LTV1: variants seen among roughly 807,000 people sequenced by gnomAD.
The protein encoded by LTV1 is protein LTV1 homolog.
Under a neutral mutation model 59.9 loss-of-function variants are expected in LTV1, and 39 were observed. The ratio of observed to expected loss-of-function variants is 0.65; its 90% confidence interval spans 0.50 to 0.85. The LOEUF (loss-of-function observed/expected upper bound fraction) is 0.85, where lower values mean the gene tolerates loss of function less well. Ranked by LOEUF, LTV1 falls within the 40% of genes least tolerant of loss-of-function variation. The probability of loss-of-function intolerance (pLI) is 0.00; values close to 1 mark genes in which losing one functional copy is unlikely to be tolerated. For missense variants in LTV1, 493 were observed against 549.1 expected, an observed-to-expected ratio of 0.90 and a Z score of 1.02; for synonymous variants, 171 against 189.5, an observed-to-expected ratio of 0.90 and a Z score of 0.80.
rs535085405 is a variant in LTV1, at chr6:143,855,095, G to T, written c.398-2208G>T. ...TGTGGGAGTCTAAGTCTCTTTGTAGGTCTCTTAGAACTTGCTTTATGAATC... is the reference window on the plus strand; with the variant it reads ...TGTGGGAGTCTAAGTCTCTTTGTAGTTCTCTTAGAACTTGCTTTATGAATC... On this transcript the variant is annotated intron_variant, in intron 4 of 10. Transcript: ENST00000367576. The surrounding 1 kb of genome is among the most constrained non-coding windows in gnomAD (Gnocchi z 4.6). Among the ~76,000 whole-genome samples the T allele has an allele frequency of 6.6e-6, 1 of 152,226 alleles. No individual in the cohort carries two copies. The highest frequency in any genetic ancestry group is 2.4e-5 in the African/African-American group (1 of 41,556).
At position 143,863,773 on chromosome 6, in the gene LTV1, A is replaced by G. The variant is rs1777217039; in HGVS notation, c.*246A>G. 3.2e-6 allele frequency: 1 copy of G among 313,678 alleles called. No homozygotes were observed. Among genetic ancestry groups the G allele is most frequent in the African/African-American group, 2.1e-5 (1 of 46,572 alleles). The allele number at this position is 313,678 out of a possible 1,614,324, so 19.4% of individuals were successfully genotyped here. The stretch of plus-strand genomic sequence containing the variant: ...AAGTAAATGACTTCATGAATGTGAA[A>G]TGTTTGATAAATTAAAGGAAAATAT... On this transcript the variant is annotated 3_prime_UTR_variant, in exon 11 of 11. Coordinates refer to ENST00000367576, the MANE Select transcript of LTV1 (RefSeq NM_032860.5). This position sits in a 1 kb window ranked among gnomAD's most constrained non-coding sequence, Gnocchi z 4.5.
intron 6 of LTV1, among the ~76,000 whole-genome samples, chr6:143,859,595 C>A (rs1423683255): frequency 6.6e-6 from 1 of 152,206 alleles, no homozygotes; most frequent in Non-Finnish European, 1.5e-5. Flanking sequence ...TCACCTAATA[C>A]TATTTTCCCT....
rs1389207015 is a variant in LTV1 at position 143,862,092 on chromosome 6, C to T, written c.924-12C>T. 3 of 1,603,406 alleles carry T rather than the reference C, an allele frequency of 1.9e-6. No individual in the cohort carries two copies. Among genetic ancestry groups the T allele is most frequent in the Non-Finnish European group, 2.6e-6 (3 of 1,176,394 alleles). ...CCCTCTTGGTCTTCACTTTTAAAAA[C>T]TCGTCTAAAAGTTGTGTAAAATTGA... On this transcript the variant is annotated splice_polypyrimidine_tract_variant and intron_variant, in intron 7 of 10. Transcript: ENST00000367576. The surrounding 1 kb of genome is among the most constrained non-coding windows in gnomAD (Gnocchi z 4.2).
chr6:143,848,753 G>T (rs933139569), intron 3 of LTV1, among the ~76,000 whole-genome samples: 3 of 152,180 alleles, frequency 2.0e-5, no homozygotes, highest in African/African-American at 7.2e-5. Context: ...CACACAAAGG[G>T]AAGTTCTAGG....
In LTV1 at chr6:143,843,348, C is replaced by T; in HGVS notation, c.-130C>T. The T allele has an allele frequency of 8.7e-7, 1 of 1,155,846 alleles. No individual in the cohort carries two copies. The highest frequency in any genetic ancestry group is 1.3e-6 in the Non-Finnish European group (1 of 777,204). The allele number at this position is 1,155,846 out of a possible 1,614,324, so 71.6% of individuals were successfully genotyped here. ...TCCACGGCCGGCTGGGTGACGTTAT[C>T]GCCGGGTCCTGGGGCTGCACGTGTG... On this transcript the variant is annotated 5_prime_UTR_variant, in exon 1 of 11. Coordinates refer to ENST00000367576, the MANE Select transcript of LTV1 (RefSeq NM_032860.5).
At chr6:143,861,305 G>A (rs982572148) in intron 7 of LTV1, among the ~76,000 whole-genome samples, 9 of 151,862 alleles carry the variant, frequency 5.9e-5, no homozygotes, top group African/African-American at 1.9e-4. Context: ...GGGCGTGGTG[G>A]TGTACACCTG....
intron 6 of LTV1, chr6:143,858,270 T>G (rs1168962546): frequency 8.0e-6 from 3 of 375,952 alleles, no homozygotes; most frequent in Non-Finnish European, 1.5e-5. Context: ...CTTTTCCAAT[T>G]TACATCACAC....
In LTV1 at chr6:143,863,138, CAAAG is replaced by C; in HGVS notation, c.1174_1177del (p.Lys392AspfsTer12). ...ACAGGAATACCTCTCAATGTCTTAC[CAAAG>C]AAAGGACTCACAGCAAAGCAAACTG... On this transcript the variant is annotated frameshift_variant, in exon 10 of 11. Coordinates refer to ENST00000367576, the MANE Select transcript of LTV1 (RefSeq NM_032860.5). LOFTEE classifies it high-confidence loss of function. This position sits in a 1 kb window ranked among gnomAD's most constrained non-coding sequence, Gnocchi z 4.5. 1 of 1,613,818 alleles carries C rather than the reference CAAAG, an allele frequency of 6.2e-7. No individual in the cohort carries two copies. The highest frequency in any genetic ancestry group is 8.5e-7 in the Non-Finnish European group (1 of 1,179,916).
rs1198100613 is a variant in LTV1 at position 143,855,061 on chromosome 6, T to C, written c.398-2242T>C. Among the ~76,000 whole-genome samples, 4 of 152,248 alleles carry C rather than the reference T, an allele frequency of 2.6e-5. No individual in the cohort carries two copies. Among genetic ancestry groups the C allele is most frequent in the African/African-American group, 9.6e-5 (4 of 41,562 alleles). On this transcript the variant is annotated intron_variant, in intron 4 of 10. Coordinates refer to ENST00000367576, the MANE Select transcript of LTV1 (RefSeq NM_032860.5). This position sits in a 1 kb window ranked among gnomAD's most constrained non-coding sequence, Gnocchi z 4.6. ...GACAGTGGGGTGTTAAAGTCTCCCA[T>C]TATTATTGTGTGGGAGTCTAAGTCT...
intron 4 of LTV1, among the ~76,000 whole-genome samples, chr6:143,853,617 GCT>G (rs1777023331): frequency 6.6e-6 from 1 of 152,166 alleles, no homozygotes; most frequent in East Asian, 1.9e-4. Context: ...GTCATAAATA[GCT>G]CTTATTATTT....
Position 143,862,068 on chromosome 6 carries a change from C to A in LTV1, c.924-36C>A. On this transcript the variant is annotated intron_variant, in intron 7 of 10. Transcript: ENST00000367576. The surrounding 1 kb of genome is among the most constrained non-coding windows in gnomAD (Gnocchi z 4.2). The stretch of plus-strand genomic sequence containing the variant: ...AGTATAATAATAGGTCATTTTTCCC[C>A]CTCTTGGTCTTCACTTTTAAAAACT... 6.3e-7 allele frequency: 1 copy of A among 1,590,232 alleles called. No homozygotes were observed. Among genetic ancestry groups the A allele is most frequent in the South Asian group, 1.2e-5 (1 of 86,714 alleles).
At position 143,843,353 on chromosome 6, in the gene LTV1, G is replaced by C. The variant is rs1204483530; in HGVS notation, c.-125G>C. The C allele has an allele frequency of 9.2e-6, 11 of 1,194,184 alleles. No individual in the cohort carries two copies. The East Asian group carries it at 1.9e-4, about 20-fold the overall frequency. The allele number at this position is 1,194,184 out of a possible 1,614,324, so 74.0% of individuals were successfully genotyped here. ...GGCCGGCTGGGTGACGTTATCGCCG[G>C]GTCCTGGGGCTGCACGTGTGGTGAG... On this transcript the variant is annotated 5_prime_UTR_variant, in exon 1 of 11. Transcript: ENST00000367576.
At chr6:143,859,742 C>G (rs550365536) in intron 6 of LTV1, among the ~76,000 whole-genome samples, 188 of 152,298 alleles carry the variant, frequency 1.2e-3, no homozygotes, top group South Asian at 3.1e-3. Context: ...TAAACAAGAA[C>G]AAATATATAC....
At position 143,850,134 on chromosome 6, in the gene LTV1, A is replaced by G. The variant is rs775351968; in HGVS notation, c.313A>G (p.Thr105Ala). Reference protein sequence around the residue: ...EKEETLVIPSTGIKLPSSVFA... With the variant: ...EKEETLVIPSAGIKLPSSVFA... ...ATTGTGCAATTTCTTTTTCAAGAGC[A>G]CTGGAATTAAGTTGCCTTCATCAGT... Residue 105 changes from threonine (T) to alanine (A), a missense_variant, in exon 4 of 11, where the codon ACT (threonine) becomes GCT (alanine). Coordinates refer to ENST00000367576, the MANE Select transcript of LTV1 (RefSeq NM_032860.5). 5.0e-6 allele frequency: 8 copies of G among 1,612,790 alleles called. No homozygotes were observed. The highest frequency in any genetic ancestry group is 2.2e-5 in the South Asian group (2 of 90,802).
Position 143,857,390 on chromosome 6 carries a change from A to C in LTV1, c.485A>C (p.Asp162Ala). 1 of 1,614,052 alleles carries C rather than the reference A, an allele frequency of 6.2e-7. No homozygotes were observed. The highest frequency in any genetic ancestry group is 8.5e-7 in the Non-Finnish European group (1 of 1,179,990). The change falls in exon 5 of 11, where the codon GAC (aspartate) becomes GCC (alanine). Residue 162 changes from aspartate to alanine, a missense_variant. Physicochemically the swap from Asp to Ala is moderately radical, Grantham distance 126. Coordinates refer to ENST00000367576, the MANE Select transcript of LTV1 (RefSeq NM_032860.5). The surrounding 1 kb of genome is among the most constrained non-coding windows in gnomAD (Gnocchi z 5.2). ...GATCCAGATAATCTGCTTGAGGATG[A>C]CTTTATTCTTCAGGCCAATAAGGCA... Reference protein sequence around the residue: ...FDDPDNLLEDDFILQANKATG... With the variant: ...FDDPDNLLEDAFILQANKATG...
chr6:143,848,378 T>C (rs559400248), intron 3 of LTV1, among the ~76,000 whole-genome samples: 116 of 152,344 alleles, frequency 7.6e-4, no homozygotes, highest in African/African-American at 2.7e-3. Flanking sequence ...CTTAAAAATA[T>C]ACTCTACAGC....
At chr6:143,848,904 G>A (rs563712192) in intron 3 of LTV1, among the ~76,000 whole-genome samples, 7 of 152,280 alleles carry the variant, frequency 4.6e-5, no homozygotes, top group South Asian at 2.1e-4. Context: ...AGGCACATGC[G>A]CGCCAAGTAA....
chr6:143,850,221 A>G lies in LTV1; in HGVS notation c.397+3A>G, dbSNP rs757903955. On this transcript the variant is annotated splice_donor_region_variant and intron_variant, in intron 4 of 10. Coordinates refer to ENST00000367576, the MANE Select transcript of LTV1 (RefSeq NM_032860.5). ...AAATAAAGCAGCTCCAGTTTCAGGTATTTTTAATTGCTTTATCTTTTCATA... is the reference window on the plus strand; with the variant it reads ...AAATAAAGCAGCTCCAGTTTCAGGTGTTTTTAATTGCTTTATCTTTTCATA... The G allele has an allele frequency of 1.9e-6, 3 of 1,608,766 alleles. No homozygotes were observed. Among genetic ancestry groups the G allele is most frequent in the Non-Finnish European group, 1.7e-6 (2 of 1,175,934 alleles).
rs1777188343 is a variant in LTV1 at position 143,862,781 on chromosome 6, C to G, written c.1064-63C>G. 1 of 992,578 alleles carries G rather than the reference C, an allele frequency of 1.0e-6. No individual in the cohort carries two copies. The allele number at this position is 992,578 out of a possible 1,614,324, so 61.5% of individuals were successfully genotyped here. A position where few individuals can be genotyped will look rare whatever the true frequency, so the allele number is the denominator to read the frequency against. The stretch of plus-strand genomic sequence containing the variant: ...CAAGGTCAGAAATATAGTAGGAATT[C>G]AGTAATGCTTTGTGGAACTGAAAAC... On this transcript the variant is annotated intron_variant, in intron 8 of 10. Coordinates refer to ENST00000367576, the MANE Select transcript of LTV1 (RefSeq NM_032860.5). The surrounding 1 kb of genome is among the most constrained non-coding windows in gnomAD (Gnocchi z 4.2).
Sources: gnomAD v4.1 joint callset for allele counts (sites outside exome capture counted in the v4.1 genomes callset) on GRCh38, gnomAD v4.1.1 for gene constraint, Gnocchi (gnomAD v3.1) non-coding constraint, MANE v1.5 for transcripts, NCBI Gene and HGNC (gene_info 2026-07-23, HGNC 2026-07-21) for gene names.